The following GALNT13 variants were observed in gnomAD, a reference collection of about 807,000 sequenced individuals.
The protein encoded by GALNT13 is UDP-GalNAc:polypeptide N-acetylgalactosaminyltransferase 13.
Under a neutral mutation model 64.2 loss-of-function variants are expected in GALNT13, and 28 were observed. That is an observed-to-expected ratio of 0.44 (90% CI 0.32 to 0.60). The LOEUF (loss-of-function observed/expected upper bound fraction) is 0.60. GALNT13 is among the 20% of genes least tolerant of loss of function. The pLI is 0.05. For missense variants in GALNT13, 577 were observed against 669.8 expected, an observed-to-expected ratio of 0.86 and a Z score of 1.53; for synonymous variants, 214 against 224.6, an observed-to-expected ratio of 0.95 and a Z score of 0.42.
At chr2:153,118,197 G>A in the GALNT13 span, among the ~76,000 whole-genome samples, 7 of 149,302 alleles carry the variant, frequency 4.7e-5, no homozygotes, top group African/African-American at 1.7e-4. Flanking sequence ...AAAGTCAATA[G>A]TCTTTACCTG....
the GALNT13 span, among the ~76,000 whole-genome samples, chr2:153,418,447 A>G: frequency 6.6e-6 from 1 of 152,230 alleles, no homozygotes; most frequent in African/African-American, 2.4e-5. Flanking sequence ...AGACTGAGAA[A>G]GGAGTAGTTA....
chr2:153,813,575 T>C, the GALNT13 span, among the ~76,000 whole-genome samples: 1 of 152,064 alleles, frequency 6.6e-6, no homozygotes, highest in Non-Finnish European at 1.5e-5. Context: ...TCCTATAGTA[T>C]TCAATTATTA....
At chr2:153,998,272 T>C (rs866144787) in intron 3 of GALNT13, among the ~76,000 whole-genome samples, 28 of 152,112 alleles carry the variant, frequency 1.8e-4, no homozygotes, top group Middle Eastern at 3.2e-3. Context: ...AGTGTAAAAG[T>C]GTTCCTATTT....
the GALNT13 span, among the ~76,000 whole-genome samples, chr2:153,156,465 GAC>G: frequency 2.6e-5 from 4 of 152,212 alleles, no homozygotes; most frequent in East Asian, 7.7e-4. Context: ...GTTGGATAAA[GAC>G]ATATTCAGGA....
the GALNT13 span, among the ~76,000 whole-genome samples, chr2:153,114,804 T>C: frequency 3.9e-5 from 6 of 152,142 alleles, 1 homozygote; most frequent in Admixed American, 2.6e-4. Flanking sequence ...TCAACAGTAA[T>C]CACTACTAAC....
At chr2:153,733,539 T>C in the GALNT13 span, among the ~76,000 whole-genome samples, 1 of 152,318 alleles carries the variant, frequency 6.6e-6, no homozygotes, top group South Asian at 2.1e-4. Flanking sequence ...TATTTGCACA[T>C]TCATCCTGCC....
chr2:153,473,021 C>T, the GALNT13 span, among the ~76,000 whole-genome samples: 1 of 151,964 alleles, frequency 6.6e-6, no homozygotes, highest in Non-Finnish European at 1.5e-5. Context: ...ACATCACACA[C>T]CAGGGCTTGT....
At chr2:154,082,091 A>G (rs143855985) in intron 3 of GALNT13, among the ~76,000 whole-genome samples, 2 of 151,912 alleles carry the variant, frequency 1.3e-5, no homozygotes, top group East Asian at 1.9e-4. Context: ...GTGTAAATAT[A>G]AAGAGAACTT....
chr2:154,157,679 T>C (rs1325643752), intron 4 of GALNT13, among the ~76,000 whole-genome samples: 1 of 152,240 alleles, frequency 6.6e-6, no homozygotes, highest in Non-Finnish European at 1.5e-5. Context: ...TGTCACTCTC[T>C]TGAGCCATCT....
intron 1 of GALNT13, among the ~76,000 whole-genome samples, chr2:153,874,818 C>G (rs896246312): frequency 6.6e-6 from 1 of 152,002 alleles, no homozygotes; most frequent in South Asian, 2.1e-4. Context: ...TGAATTTGCC[C>G]CTTTTTGCAA....
At chr2:153,826,031 T>A in the GALNT13 span, among the ~76,000 whole-genome samples, 4 of 152,144 alleles carry the variant, frequency 2.6e-5, no homozygotes, top group Admixed American at 1.3e-4. Context: ...CTGATACCCT[T>A]CTCTATCCCC....
chr2:154,329,591 T>C (rs985136861), intron 9 of GALNT13, among the ~76,000 whole-genome samples: 9 of 152,146 alleles, frequency 5.9e-5, no homozygotes, highest in Admixed American at 3.9e-4. Context: ...ACCCACTTCA[T>C]ATCCCAGCAG....
At chr2:153,102,227 T>C in the GALNT13 span, among the ~76,000 whole-genome samples, 1 of 152,164 alleles carries the variant, frequency 6.6e-6, no homozygotes, top group South Asian at 2.1e-4. Context: ...TCTTTGTCTC[T>C]TTGTTTCTCT....
chr2:153,610,544 G>A, the GALNT13 span, among the ~76,000 whole-genome samples: 19 of 151,940 alleles, frequency 1.3e-4, no homozygotes, highest in Non-Finnish European at 2.5e-4. Context: ...GCTTCATGGC[G>A]GGCACCTGTA....
At chr2:153,959,994 C>T (rs1188319239) in intron 3 of GALNT13, among the ~76,000 whole-genome samples, 1 of 152,162 alleles carries the variant, frequency 6.6e-6, no homozygotes, top group East Asian at 1.9e-4. Context: ...GGCCAGTAAC[C>T]CACTGGGCTG....
At chr2:153,811,174 A>C in the GALNT13 span, among the ~76,000 whole-genome samples, 1 of 152,178 alleles carries the variant, frequency 6.6e-6, no homozygotes. Flanking sequence ...AGAAATACCC[A>C]ACTGGAGAAT....
chr2:153,783,312 G>A, the GALNT13 span, among the ~76,000 whole-genome samples: 337 of 152,106 alleles, frequency 2.2e-3, 1 homozygote, highest in African/African-American at 7.0e-3. Flanking sequence ...AAATCCCAGA[G>A]GTTACATTTG....
chr2:153,478,648 A>T, the GALNT13 span: 1 of 1,160,942 alleles, frequency 8.6e-7, no homozygotes. Flanking sequence ...TGCCGGGCTG[A>T]GCGCTCACTC....
At chr2:154,060,647 G>A (rs955046773) in intron 3 of GALNT13, among the ~76,000 whole-genome samples, 1 of 152,102 alleles carries the variant, frequency 6.6e-6, no homozygotes, top group Non-Finnish European at 1.5e-5. Context: ...GTGAGCCACC[G>A]CACCTAAGGC....
Sources: allele counts gnomAD v4.1 joint callset (sites outside exome capture counted in the v4.1 genomes callset), GRCh38; gene constraint gnomAD v4.1.1; transcripts MANE v1.5; gene names NCBI Gene and HGNC (gene_info 2026-07-23, HGNC 2026-07-21).